CTNNA2: variants seen among roughly 807,000 people sequenced by gnomAD.
CTNNA2 encodes the protein catenin alpha-2.
In CTNNA2, 42 loss-of-function variants were observed where a neutral mutation model predicts 101.0. The observed-to-expected ratio is 0.42, with a 90% CI of 0.32 to 0.54. CTNNA2 has a LOEUF of 0.54. Ranked by LOEUF, CTNNA2 falls within the 20% of genes least tolerant of loss-of-function variation. The pLI is 0.14. For missense variants in CTNNA2, 871 were observed against 1,223.1 expected (o/e 0.71, Z 4.29); for synonymous variants, 450 against 456.4 (o/e 0.99, Z 0.18).
At chr2:80,247,016 C>T (rs1456771439) in intron 7 of CTNNA2, among the ~76,000 whole-genome samples, 1 of 152,134 alleles carries the variant, frequency 6.6e-6, no homozygotes, top group African/African-American at 2.4e-5. Flanking sequence ...TGACCATCTC[C>T]TCCTTGATAG....
At chr2:80,210,766 T>C (rs1707837201) in intron 7 of CTNNA2, among the ~76,000 whole-genome samples, 1 of 152,200 alleles carries the variant, frequency 6.6e-6, no homozygotes, top group African/African-American at 2.4e-5. Flanking sequence ...GTATTTCTAG[T>C]TCTAGATCGT....
chr2:79,521,453 A>G (rs1672117720), intron 1 of CTNNA2, among the ~76,000 whole-genome samples: 1 of 151,958 alleles, frequency 6.6e-6, no homozygotes, highest in South Asian at 2.1e-4. Context: ...CTTCTCTCTT[A>G]TGTCACTGGC....
chr2:79,965,461 T>G (rs1689973590), intron 7 of CTNNA2, among the ~76,000 whole-genome samples: 1 of 152,174 alleles, frequency 6.6e-6, no homozygotes, highest in Non-Finnish European at 1.5e-5. Flanking sequence ...TTACAGACTT[T>G]AGTCTCTAAG....
At chr2:80,036,151 A>C (rs1424108571) in intron 7 of CTNNA2, among the ~76,000 whole-genome samples, 1 of 152,156 alleles carries the variant, frequency 6.6e-6, no homozygotes, top group Non-Finnish European at 1.5e-5. Flanking sequence ...AATCTACTAG[A>C]GACTGGAGCA....
At chr2:79,645,878 A>G (rs3795994) in intron 1 of CTNNA2, among the ~76,000 whole-genome samples, 13 of 152,062 alleles carry the variant, frequency 8.5e-5, no homozygotes, top group Non-Finnish European at 1.3e-4. Flanking sequence ...CCACAGCTCT[A>G]TGATAATGAC....
intron 3 of CTNNA2, among the ~76,000 whole-genome samples, chr2:79,334,867 G>A (rs1404874131): frequency 6.6e-6 from 1 of 152,102 alleles, no homozygotes; most frequent in Non-Finnish European, 1.5e-5. Context: ...CTCCCTTGGT[G>A]ACAACATCCT....
chr2:80,630,838 C>T (rs189292839), intron 18 of CTNNA2, among the ~76,000 whole-genome samples: 2 of 152,180 alleles, frequency 1.3e-5, no homozygotes, highest in East Asian at 1.9e-4. Context: ...TGATGAGTAA[C>T]TCTGCCATGT....
chr2:79,216,215 T>G (rs189173535), intron 2 of CTNNA2, among the ~76,000 whole-genome samples: 45 of 151,874 alleles, frequency 3.0e-4, no homozygotes, highest in African/African-American at 1.1e-3. Context: ...GGCATTTAGG[T>G]TTTAGGTCAG....
chr2:80,053,347 A>G (rs572889276), intron 7 of CTNNA2, among the ~76,000 whole-genome samples: 16 of 152,346 alleles, frequency 1.1e-4, no homozygotes, highest in African/African-American at 3.8e-4. Context: ...GCCGGTAAAT[A>G]ATGGCAACAC....
At position 80,303,857 on chromosome 2, in the gene CTNNA2, T is replaced by C. The variant is rs201539107; in HGVS notation, c.1057-89354T>C. The C allele has an allele frequency of 6.8e-7, 1 of 1,480,374 alleles. No individual in the cohort carries two copies. The highest frequency in any genetic ancestry group is 1.4e-5 in the African/African-American group (1 of 71,174). 91.7% of individuals were successfully genotyped at this position (1,480,374 alleles called of 1,614,324 possible). A position where few individuals can be genotyped will look rare whatever the true frequency, so the allele number is the denominator to read the frequency against. ...TTCCAGAGAGACTGGAGAATGTCCA[T>C]TGGAAGCGCTCGGTCAGAAATCTAC... On this transcript the variant is annotated intron_variant, in intron 7 of 18. Coordinates refer to ENST00000402739, the MANE Select transcript of CTNNA2 (RefSeq NM_001282597.3). This position sits in a 1 kb window ranked among gnomAD's most constrained non-coding sequence, Gnocchi z 7.7.
chr2:80,581,270 G>T, intron 13 of CTNNA2, among the ~76,000 whole-genome samples: 1 of 152,104 alleles, frequency 6.6e-6, no homozygotes, highest in Middle Eastern at 3.2e-3. Flanking sequence ...ATGGCTTTGT[G>T]ACCAAATCAG....
chr2:79,249,174 A>T (rs1341448607), intron 2 of CTNNA2, among the ~76,000 whole-genome samples: 1 of 140,254 alleles, frequency 7.1e-6, no homozygotes, highest in African/African-American at 2.7e-5. Context: ...TTAAATAGAC[A>T]CAATGCATGA....
At chr2:79,592,387 C>T (rs1269072196) in intron 1 of CTNNA2, among the ~76,000 whole-genome samples, 1 of 152,054 alleles carries the variant, frequency 6.6e-6, no homozygotes, top group African/African-American at 2.4e-5. Context: ...CCGCCTTGGC[C>T]TCCCAAAGTG....
intron 2 of CTNNA2, among the ~76,000 whole-genome samples, chr2:79,732,227 T>C (rs1434094021): frequency 6.6e-6 from 1 of 152,082 alleles, no homozygotes; most frequent in African/African-American, 2.4e-5. Context: ...TGTTGTTTGT[T>C]TTCTGCTCTG....
chr2:79,591,907 AATT>A (rs1199809498), intron 1 of CTNNA2, among the ~76,000 whole-genome samples: 9 of 82,016 alleles, frequency 1.1e-4, no homozygotes, highest in African/African-American at 1.3e-4. Context: ...TTGAAAAAAA[AATT>A]TTTTTTTTTT....
intron 3 of CTNNA2, among the ~76,000 whole-genome samples, chr2:79,821,546 A>C (rs1268276240): frequency 1.3e-5 from 2 of 152,206 alleles, no homozygotes; most frequent in Non-Finnish European, 2.9e-5. Context: ...CCAAAAACTG[A>C]GAAGAAAATG....
chr2:79,810,774 A>G (rs138683150), intron 3 of CTNNA2, among the ~76,000 whole-genome samples: 1,516 of 151,334 alleles, frequency 0.01, 49 homozygotes, highest in East Asian at 0.097. Flanking sequence ...GAGAACATGC[A>G]GTGTTTGGTT....
At chr2:80,369,640 G>A (rs1197408734) in intron 7 of CTNNA2, among the ~76,000 whole-genome samples, 1 of 152,120 alleles carries the variant, frequency 6.6e-6, no homozygotes, top group Non-Finnish European at 1.5e-5. Context: ...TTTCACAGAT[G>A]TGATTAAGGT....
chr2:80,601,884 C>T (rs980840311), intron 15 of CTNNA2: 1 of 151,858 alleles, frequency 6.6e-6, no homozygotes, highest in East Asian at 1.9e-4. Flanking sequence ...GTAGTTAAGG[C>T]TACTTGTTTT....
Sources: gnomAD v4.1 joint callset for allele counts (sites outside exome capture counted in the v4.1 genomes callset) on GRCh38, gnomAD v4.1.1 for gene constraint, Gnocchi (gnomAD v3.1) non-coding constraint, MANE v1.5 for transcripts, NCBI Gene and HGNC (gene_info 2026-07-23, HGNC 2026-07-21) for gene names.